The following BNC2 variants were observed in gnomAD, a reference collection of about 807,000 sequenced individuals.
BNC2 encodes zinc finger protein basonuclin-2.
A neutral mutation model predicts 76.3 loss-of-function variants in BNC2; 20 were observed. The observed-to-expected ratio is 0.26, with a 90% CI of 0.18 to 0.38. The LOEUF (loss-of-function observed/expected upper bound fraction) is 0.38, where lower values mean the gene tolerates loss of function less well. Ranked by LOEUF, BNC2 falls within the 10% of genes least tolerant of loss-of-function variation. The probability of loss-of-function intolerance (pLI) is 1.00; values close to 1 mark genes in which losing one functional copy is unlikely to be tolerated. For missense variants in BNC2, 1,382 were observed against 1,399.8 expected (o/e 0.99, Z 0.20); for synonymous variants, 582 against 514.8 (o/e 1.13, Z -1.77).
At chr9:16,744,236 T>C (rs1342262034) in intron 1 of BNC2, among the ~76,000 whole-genome samples, 1 of 152,196 alleles carries the variant, frequency 6.6e-6, no homozygotes, top group South Asian at 2.1e-4. Context: ...CCCAAAGTGC[T>C]GGGATTACAG....
chr9:16,551,037 C>A (rs985804137), intron 5 of BNC2, among the ~76,000 whole-genome samples: 2 of 152,296 alleles, frequency 1.3e-5, no homozygotes, highest in East Asian at 1.9e-4. Flanking sequence ...CTTGTTCCCC[C>A]TCATGCCCCC....
chr9:16,575,481 G>A (rs180791808), intron 4 of BNC2: 42 of 978,700 alleles, frequency 4.3e-5, no homozygotes, highest in Admixed American at 6.1e-5. Context: ...CACTGTTTGC[G>A]CTGGGTTTAA....
intron 3 of BNC2, among the ~76,000 whole-genome samples, chr9:16,606,307 A>G (rs1820382031): frequency 6.6e-6 from 1 of 152,138 alleles, no homozygotes; most frequent in South Asian, 2.1e-4. Context: ...TCTGTCAGAG[A>G]CTCTGAGGAA....
chr9:16,610,642 G>C (rs1327448949), intron 3 of BNC2, among the ~76,000 whole-genome samples: 1 of 152,054 alleles, frequency 6.6e-6, no homozygotes, highest in Non-Finnish European at 1.5e-5. Flanking sequence ...TCTACCCTGT[G>C]GTAACTTAAC....
intron 4 of BNC2, among the ~76,000 whole-genome samples, chr9:16,575,758 A>G (rs934836782): frequency 1.3e-5 from 2 of 152,118 alleles, no homozygotes; most frequent in African/African-American, 4.8e-5. Context: ...TTTGCTCTCT[A>G]AAACGAAGAA....
intron 1 of BNC2, among the ~76,000 whole-genome samples, chr9:16,783,485 G>A (rs949615486): frequency 1.3e-5 from 2 of 152,162 alleles, no homozygotes; most frequent in Non-Finnish European, 2.9e-5. Flanking sequence ...CTACGCTTAC[G>A]CTTCTGCATA....
chr9:16,629,463 G>T (rs957874401), intron 3 of BNC2, among the ~76,000 whole-genome samples: 2 of 152,136 alleles, frequency 1.3e-5, no homozygotes, highest in African/African-American at 4.8e-5. Context: ...GTGTTTGGGG[G>T]AGTTCAGTGC....
At chr9:16,691,467 A>T (rs1823160474) in intron 3 of BNC2, among the ~76,000 whole-genome samples, 1 of 151,014 alleles carries the variant, frequency 6.6e-6, no homozygotes, top group African/African-American at 2.4e-5. Context: ...AATGAGAATG[A>T]AGTCACTTGT....
At chr9:16,840,047 A>C (rs748762334) in intron 1 of BNC2, among the ~76,000 whole-genome samples, 2 of 152,090 alleles carry the variant, frequency 1.3e-5, no homozygotes, top group Non-Finnish European at 2.9e-5. Flanking sequence ...TCTTTAACTT[A>C]CTCTTTACAT....
intron 3 of BNC2, among the ~76,000 whole-genome samples, chr9:16,651,512 T>G (rs1338454424): frequency 1.3e-5 from 2 of 152,194 alleles, no homozygotes; most frequent in African/African-American, 4.8e-5. Context: ...ACCAGTCACT[T>G]GTCCTAGAAG....
At chr9:16,628,853 C>G (rs1821076599) in intron 3 of BNC2, among the ~76,000 whole-genome samples, 1 of 152,100 alleles carries the variant, frequency 6.6e-6, no homozygotes, top group South Asian at 2.1e-4. Flanking sequence ...GAAAGAAAGT[C>G]CAACAGCATT....
chr9:16,455,471 TA>T (rs1821427049), intron 5 of BNC2, among the ~76,000 whole-genome samples: 1 of 152,126 alleles, frequency 6.6e-6, no homozygotes, highest in African/African-American at 2.4e-5. Flanking sequence ...AAAACAATGT[TA>T]ATGAATGGAT....
chr9:16,438,359 C>A (rs1297990325), intron 5 of BNC2, among the ~76,000 whole-genome samples: 1 of 152,206 alleles, frequency 6.6e-6, no homozygotes, highest in African/African-American at 2.4e-5. Context: ...AAAAAGTTGT[C>A]TCTCAGCATC....
intron 3 of BNC2, among the ~76,000 whole-genome samples, chr9:16,725,942 C>T (rs570527479): frequency 4.6e-5 from 7 of 151,730 alleles, no homozygotes; most frequent in Non-Finnish European, 1.0e-4. Flanking sequence ...GTTTTATTAA[C>T]TCTTTTCTAG....
At chr9:16,524,338 C>T (rs540940846) in intron 5 of BNC2, among the ~76,000 whole-genome samples, 6 of 152,198 alleles carry the variant, frequency 3.9e-5, no homozygotes, top group Non-Finnish European at 7.4e-5. Flanking sequence ...TTGCCTAGGT[C>T]GTTAGGAGTT....
At chr9:16,590,495 A>C (rs1412245445) in intron 3 of BNC2, among the ~76,000 whole-genome samples, 1 of 151,842 alleles carries the variant, frequency 6.6e-6, no homozygotes, top group African/African-American at 2.4e-5. Flanking sequence ...GCCTGGCTTA[A>C]AAAAAGAAAA....
intron 5 of BNC2, among the ~76,000 whole-genome samples, chr9:16,470,633 C>G (rs1156501394): frequency 6.6e-6 from 1 of 152,184 alleles, no homozygotes; most frequent in Non-Finnish European, 1.5e-5. Context: ...CTGAAAGGGG[C>G]CAACATACAG....
chr9:16,850,057 C>T (rs372848374), intron 1 of BNC2, among the ~76,000 whole-genome samples: 11 of 152,294 alleles, frequency 7.2e-5, no homozygotes, highest in Non-Finnish European at 5.9e-5. Context: ...GGTTATCTGT[C>T]AACCTCTCTA....
At chr9:16,545,778 C>T (rs532606907) in intron 5 of BNC2, among the ~76,000 whole-genome samples, 3 of 152,160 alleles carry the variant, frequency 2.0e-5, no homozygotes, top group Non-Finnish European at 4.4e-5. Flanking sequence ...TGAGCCACAT[C>T]CATGAAAATA....
Sources: allele counts gnomAD v4.1 joint callset (sites outside exome capture counted in the v4.1 genomes callset), GRCh38; gene constraint gnomAD v4.1.1; transcripts MANE v1.5; gene names NCBI Gene and HGNC (gene_info 2026-07-23, HGNC 2026-07-21).